The following DMD variants were observed in gnomAD, a reference collection of about 807,000 sequenced individuals.
The protein encoded by DMD is dystrophin.
A neutral mutation model predicts 330.1 loss-of-function variants in DMD; 63 were observed. That is an observed-to-expected ratio of 0.19 (90% CI 0.16 to 0.24). The LOEUF is 0.24. DMD is among the 10% of genes least tolerant of loss of function. The pLI is 1.00. For missense variants in DMD, 3,344 were observed against 2,684.1 expected, an observed-to-expected ratio of 1.25 and a Z score of -5.43; for synonymous variants, 1,223 against 959.8, an observed-to-expected ratio of 1.27 and a Z score of -5.07.
At chrX:32,441,440 A>G in intron 27 of DMD, 126 bp from the exon 28 acceptor site, 1 of 654,732 alleles carries the variant, frequency 1.5e-6, no homozygotes. Context: ...ACTTTGTAGC[A>G]GGTAATTCAA....
At chrX:32,477,771 A>C (rs1459578546) in intron 21 of DMD, among the ~76,000 whole-genome samples, 1 of 111,066 alleles carries the variant, frequency 9.0e-6, no homozygotes. Context: ...ACTACTCAGA[A>C]AATAGGCACT....
intron 2 of DMD, among the ~76,000 whole-genome samples, chrX:32,872,925 T>A (rs190938629): frequency 4.2e-4 from 47 of 112,093 alleles, no homozygotes; most frequent in South Asian, 3.7e-4. Flanking sequence ...CAGTGCCTCA[T>A]GCATTCATTT....
intron 62 of DMD, among the ~76,000 whole-genome samples, chrX:31,272,338 G>A (rs188298729): frequency 8.5e-4 from 95 of 112,045 alleles, no homozygotes; most frequent in African/African-American, 2.9e-3. Context: ...CAGCTATAGC[G>A]ATAACCCATG....
chrX:32,134,754 T>C (rs779227766), intron 44 of DMD, among the ~76,000 whole-genome samples: 42 of 111,576 alleles, frequency 3.8e-4, no homozygotes, highest in Non-Finnish European at 1.7e-4. Flanking sequence ...ATAAGTCAGA[T>C]GAATAAAGAG....
At chrX:33,104,939 T>C (rs1457462358) in intron 1 of DMD, among the ~76,000 whole-genome samples, 2 of 112,314 alleles carry the variant, frequency 1.8e-5, no homozygotes, top group East Asian at 5.6e-4. Context: ...GCTAAATATA[T>C]GTAAACAAAG....
chrX:33,331,900 A>C (rs1210623527), intron 1 of DMD, among the ~76,000 whole-genome samples: 1 of 111,936 alleles, frequency 8.9e-6, no homozygotes, highest in Non-Finnish European at 1.9e-5. Flanking sequence ...TTATAATTTA[A>C]GTCATCTTTT....
intron 47 of DMD, among the ~76,000 whole-genome samples, chrX:31,888,457 C>T (rs917194456): frequency 1.8e-5 from 2 of 111,132 alleles, no homozygotes; most frequent in African/African-American, 6.5e-5. Flanking sequence ...TTCTGTTGCC[C>T]CCAACCAAAA....
chrX:31,642,173 G>T (rs758153276), intron 54 of DMD, among the ~76,000 whole-genome samples: 1 of 111,409 alleles, frequency 9.0e-6, no homozygotes, highest in Admixed American at 9.5e-5. Flanking sequence ...TTAAAACTAC[G>T]GTCCACTGCT....
At chrX:32,532,422 C>T (rs760400221) in intron 17 of DMD, among the ~76,000 whole-genome samples, 11 of 111,950 alleles carry the variant, frequency 9.8e-5, no homozygotes, top group Non-Finnish European at 2.1e-4. Flanking sequence ...TACAACATAG[C>T]AAGGCGAGGA....
intron 45 of DMD, among the ~76,000 whole-genome samples, chrX:31,964,596 A>AGTGTGT (rs59973399): frequency 0.029 from 2,855 of 99,590 alleles, 99 homozygotes; most frequent in African/African-American, 0.099. Context: ...AATGTTAAAA[A>AGTGTGT]GTGTGTGTGT....
chrX:31,263,731 C>A (rs1363002133), intron 62 of DMD, among the ~76,000 whole-genome samples: 1 of 112,450 alleles, frequency 8.9e-6, no homozygotes, highest in African/African-American at 3.2e-5. Context: ...ACTAGAAAAA[C>A]AGATTTAGAT....
intron 44 of DMD, among the ~76,000 whole-genome samples, chrX:32,067,932 A>C (rs577744128): frequency 1.8e-5 from 2 of 111,883 alleles, no homozygotes; most frequent in South Asian, 3.7e-4. Context: ...AAATGTCCAA[A>C]CTGCTTTCTA....
intron 44 of DMD, among the ~76,000 whole-genome samples, chrX:32,201,540 T>A (rs2097038814): frequency 9.5e-6 from 1 of 105,189 alleles, no homozygotes; most frequent in African/African-American, 3.4e-5. Context: ...CTCTGGAATT[T>A]GAATTTAAAT....
chrX:31,877,461 T>C (rs2093985245), intron 47 of DMD, among the ~76,000 whole-genome samples: 1 of 112,036 alleles, frequency 8.9e-6, no homozygotes, highest in Non-Finnish European at 1.9e-5. Flanking sequence ...GAAATACAGG[T>C]GGTGGCTCCT....
intron 61 of DMD, among the ~76,000 whole-genome samples, chrX:31,325,949 G>GTTT (rs79784755): frequency 0.11 from 11,084 of 97,978 alleles, 569 homozygotes; most frequent in African/African-American, 0.16. Flanking sequence ...TACCTTTCTA[G>GTTT]TTTTTTTTTT....
chrX:32,954,608 G>A (rs1359216896), intron 2 of DMD, among the ~76,000 whole-genome samples: 5 of 111,293 alleles, frequency 4.5e-5, no homozygotes, highest in Non-Finnish European at 9.4e-5. Flanking sequence ...TTATGTCATG[G>A]GGATTTGTTG....
At chrX:32,434,406 T>A (rs572014973) in intron 29 of DMD, among the ~76,000 whole-genome samples, 1 of 111,244 alleles carries the variant, frequency 9.0e-6, no homozygotes, top group Non-Finnish European at 1.9e-5. Context: ...AGAGACTCTG[T>A]CTCAAAAAAA....
chrX:31,379,411 T>TA (rs2060045762), intron 60 of DMD, among the ~76,000 whole-genome samples: 2 of 111,048 alleles, frequency 1.8e-5, no homozygotes, highest in South Asian at 3.9e-4. Context: ...TTTCATCAAA[T>TA]AAAAAAACAA....
intron 7 of DMD, among the ~76,000 whole-genome samples, chrX:32,720,519 C>T (rs1389397725): frequency 1.8e-5 from 2 of 111,830 alleles, no homozygotes; most frequent in Non-Finnish European, 3.8e-5. Context: ...TTAGAAACTA[C>T]TTAAATAGGT....
Sources: allele counts gnomAD v4.1 joint callset (sites outside exome capture counted in the v4.1 genomes callset), GRCh38; gene constraint gnomAD v4.1.1; transcripts MANE v1.5; gene names NCBI Gene and HGNC (gene_info 2026-07-23, HGNC 2026-07-21).